Variants in LRP1B observed in about 807,000 individuals in gnomAD.
LRP1B encodes LDL receptor related protein 1B.
Under a neutral mutation model 556.6 loss-of-function variants are expected in LRP1B, and 217 were observed. The observed-to-expected ratio is 0.39, with a 90% CI of 0.35 to 0.44. The LOEUF (loss-of-function observed/expected upper bound fraction) is 0.44. Ranked by LOEUF, LRP1B falls within the 20% of genes least tolerant of loss-of-function variation. The probability of loss-of-function intolerance (pLI) is 1.00; values close to 1 mark genes in which losing one functional copy is unlikely to be tolerated. For synonymous variants in LRP1B, 2,047 were observed against 1,865.8 expected (o/e 1.10, Z -2.50); for missense variants, 5,053 against 5,620.8 (o/e 0.90, Z 3.23).
chr2:141,524,815 C>T (rs1684641358), intron 2 of LRP1B, among the ~76,000 whole-genome samples: 2 of 149,988 alleles, frequency 1.3e-5, no homozygotes, highest in South Asian at 4.2e-4. Flanking sequence ...CAAAGAGAGA[C>T]AGAAAGGCAG....
intron 2 of LRP1B, among the ~76,000 whole-genome samples, chr2:141,600,660 T>G (rs549065873): frequency 2.6e-5 from 4 of 152,300 alleles, no homozygotes; most frequent in African/African-American, 7.2e-5. Flanking sequence ...CCACAGCACC[T>G]AATAGCAGGG....
intron 42 of LRP1B, among the ~76,000 whole-genome samples, chr2:140,600,406 G>A (rs1239935812): frequency 6.6e-6 from 1 of 152,100 alleles, no homozygotes; most frequent in African/African-American, 2.4e-5. Flanking sequence ...TCAATTAAGT[G>A]AATTAAATCT....
At chr2:140,310,697 G>A (rs1226720863) in intron 83 of LRP1B, among the ~76,000 whole-genome samples, 1 of 151,918 alleles carries the variant, frequency 6.6e-6, no homozygotes, top group East Asian at 1.9e-4. Context: ...ATTGCCACAT[G>A]CAGAAGAATG....
intron 29 of LRP1B, among the ~76,000 whole-genome samples, chr2:140,842,018 CA>C (rs1692123600): frequency 6.6e-6 from 1 of 152,166 alleles, no homozygotes; most frequent in South Asian, 2.1e-4. Context: ...CTCAAACTTA[CA>C]AGACACCTGG....
intron 2 of LRP1B, among the ~76,000 whole-genome samples, chr2:141,502,416 A>G (rs1386991795): frequency 6.6e-6 from 1 of 152,162 alleles, no homozygotes; most frequent in Admixed American, 6.5e-5. Context: ...TCATTTTTTT[A>G]ATCAAAAGAT....
chr2:141,265,237 A>G (rs1684842620), intron 3 of LRP1B, among the ~76,000 whole-genome samples: 1 of 152,212 alleles, frequency 6.6e-6, no homozygotes, highest in African/African-American at 2.4e-5. Context: ...GTGGAAGGAC[A>G]CACACCCAGG....
Position 141,229,453 on chromosome 2 carries a change from A to G in LRP1B, c.593-13T>C, listed in dbSNP as rs1558947549. On this transcript the variant is annotated splice_polypyrimidine_tract_variant and intron_variant, in intron 5 of 90. Coordinates refer to ENST00000389484, the MANE Select transcript of LRP1B (RefSeq NM_018557.3). ...CTATCTGTAGGTTCTGGAATAAAATAGAAAAAGAGAAGTAAATTCAGTAAG... is the reference window on the plus strand; with the variant it reads ...CTATCTGTAGGTTCTGGAATAAAATGGAAAAAGAGAAGTAAATTCAGTAAG... 3 of 1,504,218 alleles carry G rather than the reference A, an allele frequency of 2.0e-6. No homozygotes were observed. The highest frequency in any genetic ancestry group is 2.7e-6 in the Non-Finnish European group (3 of 1,099,526). 93.2% of individuals were successfully genotyped at this position (1,504,218 alleles called of 1,614,324 possible).
intron 2 of LRP1B, among the ~76,000 whole-genome samples, chr2:141,784,177 A>G (rs991696062): frequency 6.6e-6 from 1 of 152,034 alleles, no homozygotes; most frequent in Non-Finnish European, 1.5e-5. Context: ...AAATAACAAT[A>G]TAACTAATTT....
chr2:141,832,410 ATAG>A (rs568880789), intron 1 of LRP1B, among the ~76,000 whole-genome samples: 3 of 151,612 alleles, frequency 2.0e-5, no homozygotes, highest in South Asian at 2.1e-4. Context: ...GTAGGCAGAA[ATAG>A]TAGTATATAA....
At chr2:141,001,540 A>C (rs991989296) in intron 15 of LRP1B, among the ~76,000 whole-genome samples, 1 of 152,022 alleles carries the variant, frequency 6.6e-6, no homozygotes, top group African/African-American at 2.4e-5. Context: ...TCATTGTTCA[A>C]TTCCCACCTA....
intron 35 of LRP1B, among the ~76,000 whole-genome samples, chr2:140,758,620 T>A (rs1298822022): frequency 6.6e-6 from 1 of 152,070 alleles, no homozygotes. Flanking sequence ...ATCACCATTC[T>A]TTTTACTTAA....
intron 53 of LRP1B, among the ~76,000 whole-genome samples, chr2:140,503,385 T>G (rs1689279084): frequency 6.6e-6 from 1 of 152,078 alleles, no homozygotes; most frequent in Non-Finnish European, 1.5e-5. Context: ...TCTTCACCTA[T>G]TATCTAGATC....
chr2:141,948,789 C>T lies in LRP1B; in HGVS notation c.83-138388G>A, dbSNP rs184656774. Reference sequence around the variant, plus strand: ...AAAACCATTTCTAAAATATACAAAACATAAAAATAATAATTTAATAACAAT... The same window carrying T: ...AAAACCATTTCTAAAATATACAAAATATAAAAATAATAATTTAATAACAAT... On this transcript the variant is annotated intron_variant, in intron 1 of 90. Coordinates refer to ENST00000389484, the MANE Select transcript of LRP1B (RefSeq NM_018557.3). Among the ~76,000 whole-genome samples the T allele has an allele frequency of 4.9e-4, 75 of 151,976 alleles. 1 individual carries two copies. Among genetic ancestry groups the T allele is most frequent in the African/African-American group, 1.7e-3 (72 of 41,498 alleles).
chr2:141,987,550 T>G (rs946809370), intron 1 of LRP1B, among the ~76,000 whole-genome samples: 3 of 4,338 alleles, frequency 6.9e-4, no homozygotes, highest in Admixed American at 4.5e-3. Flanking sequence ...ATTTAAGCTG[T>G]TTTTTTTTTT....
rs1694154603 is a variant in LRP1B, at chr2:140,903,231, T to C, written c.3521-66A>G. ...CTTTCCTCAGTTAAATACTAATCAT[T>C]GAACTCAATTCTCTAAGCCTACAAT... On this transcript the variant is annotated intron_variant, in intron 22 of 90. Coordinates refer to ENST00000389484, the MANE Select transcript of LRP1B (RefSeq NM_018557.3). The C allele has an allele frequency of 1.8e-5, 28 of 1,534,514 alleles. 1 individual carries two copies. The South Asian group carries it at 3.2e-4, about 18-fold the overall frequency.
intron 49 of LRP1B, among the ~76,000 whole-genome samples, chr2:140,519,189 C>T (rs1048798711): frequency 6.6e-6 from 1 of 152,128 alleles, no homozygotes; most frequent in African/African-American, 2.4e-5. Context: ...CTGGAAGCAT[C>T]ACACTACCTG....
intron 1 of LRP1B, among the ~76,000 whole-genome samples, chr2:141,856,324 C>T (rs574314228): frequency 6.6e-6 from 1 of 152,190 alleles, no homozygotes; most frequent in East Asian, 1.9e-4. Flanking sequence ...TAAAGTATAG[C>T]TGGAAGGGAT....
At chr2:141,075,025 C>A (rs1699751342) in intron 7 of LRP1B, among the ~76,000 whole-genome samples, 1 of 152,040 alleles carries the variant, frequency 6.6e-6, no homozygotes, top group South Asian at 2.1e-4. Flanking sequence ...CAGACTATAA[C>A]AGAACTCGGA....
intron 32 of LRP1B, among the ~76,000 whole-genome samples, chr2:140,805,285 A>T (rs1357331195): frequency 6.6e-6 from 1 of 152,216 alleles, no homozygotes. Context: ...TGATAAATAG[A>T]AAAATTTAGC....
Sources: allele counts gnomAD v4.1 joint callset (sites outside exome capture counted in the v4.1 genomes callset), GRCh38; gene constraint gnomAD v4.1.1; transcripts MANE v1.5; gene names NCBI Gene and HGNC (gene_info 2026-07-23, HGNC 2026-07-21).